TDRD15: variants seen among roughly 807,000 people sequenced by gnomAD.
TDRD15 encodes the protein tudor domain-containing protein 15.
For synonymous variants in TDRD15, 503 were observed against 314.5 expected (o/e 1.60, Z -6.34); for missense variants, 1,416 against 904.7 (o/e 1.57, Z -7.25).
intron 1 of TDRD15, among the ~76,000 whole-genome samples, chr2:21,125,156 G>A (rs940435063): frequency 4.0e-5 from 6 of 151,642 alleles, no homozygotes; most frequent in Admixed American, 3.9e-4. Context: ...GTGTGTGAGA[G>A]AGAAATCCTA....
At position 21,138,080 on chromosome 2, in the gene TDRD15, C is replaced by T. The variant is rs1181163012; in HGVS notation, c.613C>T (p.Pro205Ser). ...GTTAGAAGAATTCCCTCAACAAATGCCAGATTTATTACAACATAAAAGGCC... is the reference window on the plus strand; with the variant it reads ...GTTAGAAGAATTCCCTCAACAAATGTCAGATTTATTACAACATAAAAGGCC... ...EMLEEFPQQM[P>S]DLLQHKRPEL... Residue 205 changes from proline (P) to serine (S), a missense_variant, in exon 4 of 4, where the codon CCA (proline) becomes TCA (serine). Pro to Ser is a moderately conservative substitution (Grantham distance 74). Transcript: ENST00000405799. 2 of 715,912 alleles carry T rather than the reference C, an allele frequency of 2.8e-6. No homozygotes were observed. 44.3% of individuals were successfully genotyped at this position (715,912 alleles called of 1,614,324 possible). A position where few individuals can be genotyped will look rare whatever the true frequency, so the allele number is the denominator to read the frequency against.
At chr2:21,127,512 C>T (rs755378603) in intron 1 of TDRD15, 89 bp from the exon 2 acceptor site, 10 of 152,106 alleles carry the variant, frequency 6.6e-5, no homozygotes, top group East Asian at 5.8e-4. Flanking sequence ...CTCTTTTAAG[C>T]GTATGGCTAT....
chr2:21,138,688 A>G lies in TDRD15; in HGVS notation c.1221A>G (p.Thr407=). ...YYVTLQTQES[T]VNSKCLLKTV... ...TGACATTACAAACTCAAGAGTCTAC[A>G]GTTAATTCTAAGTGTCTACTGAAGA... is the stretch of plus-strand genomic sequence containing the variant. The change falls in exon 4 of 4, where the codon ACA becomes ACG. Residue 407 remains threonine (T), a synonymous_variant. Transcript: ENST00000405799. The G allele has an allele frequency of 1.4e-6, 1 of 715,786 alleles. No homozygotes were observed. Among genetic ancestry groups the G allele is most frequent in the Non-Finnish European group, 2.6e-6 (1 of 384,134 alleles). The allele number at this position is 715,786 out of a possible 1,614,324, so 44.3% of individuals were successfully genotyped here.
chr2:21,146,154 G>T (rs1666026295), downstream of TDRD15, among the ~76,000 whole-genome samples: 1 of 151,934 alleles, frequency 6.6e-6, no homozygotes, highest in African/African-American at 2.4e-5. Context: ...GGCTTTCTGT[G>T]TAAAAACTCT....
Position 21,141,229 on chromosome 2 carries a change from A to C in TDRD15, c.3762A>C (p.Lys1254Asn), listed in dbSNP as rs1041016364. The C allele has an allele frequency of 1.4e-6, 1 of 713,252 alleles. No homozygotes were observed. Among genetic ancestry groups the C allele is most frequent in the African/African-American group, 1.8e-5 (1 of 56,950 alleles). The allele number at this position is 713,252 out of a possible 1,614,324, so 44.2% of individuals were successfully genotyped here. A position where few individuals can be genotyped will look rare whatever the true frequency, so the allele number is the denominator to read the frequency against. Reference protein sequence around the residue: ...HILENRRVGQKSVKVVSQSFI... With the variant: ...HILENRRVGQNSVKVVSQSFI... The stretch of plus-strand genomic sequence containing the variant: ...TTGAGAACAGGCGTGTGGGCCAAAA[A>C]TCAGTAAAGGTTGTATCACAGTCTT... The change falls in exon 4 of 4, where the codon AAA (lysine) becomes AAC (asparagine). Residue 1254 changes from lysine to asparagine, a missense_variant. By Grantham distance (94) the Lys-to-Asn change is moderately conservative. Transcript: ENST00000405799.
chr2:21,128,894 A>G (rs986952344), intron 2 of TDRD15, among the ~76,000 whole-genome samples: 2 of 151,934 alleles, frequency 1.3e-5, no homozygotes, highest in Non-Finnish European at 2.9e-5. Context: ...CTGTCACTTA[A>G]TATAATCCAT....
intron 1 of TDRD15, among the ~76,000 whole-genome samples, 170 bp downstream of exon 1, chr2:21,124,216 TA>T (rs1239332883): frequency 1.3e-5 from 2 of 152,152 alleles, no homozygotes; most frequent in Non-Finnish European, 2.9e-5. Flanking sequence ...TCCCTACCTC[TA>T]ATGGCGGCGG....
chr2:21,128,709 T>C (rs1665649492), intron 2 of TDRD15, among the ~76,000 whole-genome samples: 2 of 152,180 alleles, frequency 1.3e-5, no homozygotes. Context: ...TCTATCTTTC[T>C]TAAGATTGTC....
rs1321732860 is a variant in TDRD15, at chr2:21,141,297, A to T, written c.3830A>T (p.Asp1277Val). Residue 1277 changes from aspartate (D) to valine (V), a missense_variant, in exon 4 of 4, where the codon GAC becomes GTC. Transcript: ENST00000405799. Reference protein sequence around the residue: ...LNQTTSQNPYDLIRPQIKDLP... With the variant: ...LNQTTSQNPYVLIRPQIKDLP... ...CAAACAACCTCACAAAACCCATATG[A>T]CCTTATTAGGCCACAGATCAAAGAC... The T allele has an allele frequency of 5.6e-6, 4 of 715,024 alleles. No individual in the cohort carries two copies. The highest frequency in any genetic ancestry group is 2.0e-5 in the Admixed American group (1 of 49,684). The allele number at this position is 715,024 out of a possible 1,614,324, so 44.3% of individuals were successfully genotyped here. A position where few individuals can be genotyped will look rare whatever the true frequency, so the allele number is the denominator to read the frequency against.
chr2:21,140,344 T>C lies in TDRD15; in HGVS notation c.2877T>C (p.Phe959=). ...FSLYSYCYSS[F]NIQIGSEEEV... ...TTTACAGTTACTGTTATTCTTCCTT[T>C]AATATACAAATTGGAAGTGAAGAAG... The change falls in exon 4 of 4, where the codon TTT becomes TTC. Residue 959 remains phenylalanine, a synonymous_variant. Coordinates refer to ENST00000405799, the MANE Select transcript of TDRD15 (RefSeq NM_001306137.2). The C allele has an allele frequency of 1.4e-6, 1 of 709,080 alleles. No individual in the cohort carries two copies. The highest frequency in any genetic ancestry group is 2.6e-6 in the Non-Finnish European group (1 of 382,174). 43.9% of individuals were successfully genotyped at this position (709,080 alleles called of 1,614,324 possible).
intron 2 of TDRD15, among the ~76,000 whole-genome samples, chr2:21,128,447 C>T (rs375322390): frequency 2.6e-5 from 4 of 151,762 alleles, no homozygotes; most frequent in South Asian, 2.1e-4. Context: ...CTCAGCCTCC[C>T]GAGTAGCTGG....
intron 2 of TDRD15, among the ~76,000 whole-genome samples, chr2:21,133,229 A>G (rs760016005): frequency 9.2e-5 from 14 of 152,210 alleles, no homozygotes; most frequent in Non-Finnish European, 1.9e-4. Flanking sequence ...CAAAGCACAG[A>G]TGCTTCAACT....
chr2:21,139,628 C>T lies in TDRD15; in HGVS notation c.2161C>T (p.Pro721Ser). The change falls in exon 4 of 4, where the codon CCA (proline) becomes TCA (serine). Residue 721 changes from proline (P) to serine (S), a missense_variant. Pro to Ser is a moderately conservative substitution (Grantham distance 74). Transcript: ENST00000405799. ...CCTGGTGGAAAATAACTTGTCTTTG[C>T]CAAAGTCCCTAGCTGTTAATATCTC... ...NNLVENNLSL[P>S]KSLAVNISEF... is the part of the protein sequence containing the mutation. 1 of 715,094 alleles carries T rather than the reference C, an allele frequency of 1.4e-6. No homozygotes were observed. The highest frequency in any genetic ancestry group is 2.6e-6 in the Non-Finnish European group (1 of 383,864). 44.3% of individuals were successfully genotyped at this position (715,094 alleles called of 1,614,324 possible).
In TDRD15 at chr2:21,142,001, A is replaced by G. The variant is rs1394561692; in HGVS notation, c.4534A>G (p.Asn1512Asp). The G allele has an allele frequency of 1.4e-6, 1 of 700,194 alleles. No homozygotes were observed. The highest frequency in any genetic ancestry group is 2.6e-6 in the Non-Finnish European group (1 of 380,028). The allele number at this position is 700,194 out of a possible 1,614,324, so 43.4% of individuals were successfully genotyped here. Residue 1512 changes from asparagine (N) to aspartate (D), a missense_variant, in exon 4 of 4, where the codon AAC becomes GAC. By Grantham distance (23) the Asn-to-Asp change is conservative. Transcript: ENST00000405799. ...SNESEGSMNS[N>D]QQLFKIPLEE... ...TGAGTCTGAAGGTTCTATGAATTCA[A>G]ACCAACAGCTGTTTAAAATTCCTTT... is the stretch of plus-strand genomic sequence containing the variant.
rs1171658281 is a variant in TDRD15, at chr2:21,141,193, T to C, written c.3726T>C (p.Ala1242=). The change falls in exon 4 of 4, where the codon GCT becomes GCC. Residue 1242 remains alanine (A), a synonymous_variant. Coordinates refer to ENST00000405799, the MANE Select transcript of TDRD15 (RefSeq NM_001306137.2). ...GLKGIKIVPG[A]AHILENRRVG... is the part of the protein sequence containing the mutation. The stretch of plus-strand genomic sequence containing the variant: ...AAGGTATAAAAATTGTCCCTGGAGC[T>C]GCACATATTCTTGAGAACAGGCGTG... 1 of 714,830 alleles carries C rather than the reference T, an allele frequency of 1.4e-6. No homozygotes were observed. The highest frequency in any genetic ancestry group is 1.5e-5 in the South Asian group (1 of 67,260). 44.3% of individuals were successfully genotyped at this position (714,830 alleles called of 1,614,324 possible).
At chr2:21,135,539 G>C (rs1167039514) in intron 3 of TDRD15, among the ~76,000 whole-genome samples, 1 of 151,926 alleles carries the variant, frequency 6.6e-6, no homozygotes, top group Non-Finnish European at 1.5e-5. Flanking sequence ...TTCCAGTCTT[G>C]TTCCTTCAGC....
At chr2:21,128,896 A>G (rs867052293) in intron 2 of TDRD15, among the ~76,000 whole-genome samples, 4 of 151,938 alleles carry the variant, frequency 2.6e-5, no homozygotes, top group East Asian at 1.9e-4. Flanking sequence ...GTCACTTAAT[A>G]TAATCCATGG....
chr2:21,136,825 A>G (rs1665816552), intron 3 of TDRD15, among the ~76,000 whole-genome samples: 1 of 152,050 alleles, frequency 6.6e-6, no homozygotes, highest in Non-Finnish European at 1.5e-5. Flanking sequence ...AGGTCTGGAT[A>G]TACCTAACCT....
chr2:21,124,423 G>A (rs1010937816), intron 1 of TDRD15, among the ~76,000 whole-genome samples: 1 of 151,634 alleles, frequency 6.6e-6, no homozygotes, highest in Non-Finnish European at 1.5e-5. Flanking sequence ...GTGAGTGTGA[G>A]AGAAACCCTA....
Sources: allele counts gnomAD v4.1 joint callset (sites outside exome capture counted in the v4.1 genomes callset), GRCh38; gene constraint gnomAD v4.1.1; transcripts MANE v1.5; gene names NCBI Gene and HGNC (gene_info 2026-07-23, HGNC 2026-07-21).